The following IKBKG variants were observed in gnomAD, a reference collection of about 807,000 sequenced individuals.
IKBKG encodes the protein inhibitor of nuclear factor kappa B kinase regulatory subunit gamma.
A neutral mutation model predicts 13.7 loss-of-function variants in IKBKG; 2 were observed. That is an observed-to-expected ratio of 0.15 (90% CI 0.06 to 0.46). IKBKG has a LOEUF of 0.46. IKBKG is among the 20% of genes least tolerant of loss of function. The probability of loss-of-function intolerance (pLI) is 0.98; values close to 1 mark genes in which losing one functional copy is unlikely to be tolerated. For missense variants in IKBKG, 53 were observed against 150.3 expected, an observed-to-expected ratio of 0.35 and a Z score of 3.39; for synonymous variants, 22 against 64.4, an observed-to-expected ratio of 0.34 and a Z score of 3.15.
chrX:154,546,998 C>T (rs1363112282), upstream of IKBKG: 2 of 228,356 alleles, frequency 8.8e-6, no homozygotes, highest in Non-Finnish European at 1.5e-5. Context: ...GCGCGCGCAT[C>T]CCAGGCCAGC....
At chrX:154,553,274 G>A (rs373004162) in intron 2 of IKBKG, among the ~76,000 whole-genome samples, 2 of 112,520 alleles carry the variant, frequency 1.8e-5, no homozygotes, top group South Asian at 7.3e-4. Flanking sequence ...GGCATGTGCC[G>A]TGACTACTAG....
At chrX:154,546,702 CAACA>C (rs1339864139), upstream of IKBKG, 13 of 806,670 alleles carry the variant, frequency 1.6e-5, no homozygotes, top group Non-Finnish European at 1.9e-5. Flanking sequence ...TTCTCAAGCA[CAACA>C]AACAGCGTGT....
chrX:154,550,839 C>T (rs2070910284), intron 1 of IKBKG, among the ~76,000 whole-genome samples: 1 of 108,658 alleles, frequency 9.2e-6, no homozygotes, highest in African/African-American at 3.4e-5. Flanking sequence ...GAGATGGAGT[C>T]TCGCTCTGTT....
chrX:154,554,848 A>C (rs1257686841), intron 2 of IKBKG, among the ~76,000 whole-genome samples: 1 of 111,748 alleles, frequency 8.9e-6, no homozygotes, highest in Non-Finnish European at 1.9e-5. Flanking sequence ...AGCAGGCAAT[A>C]GTTAGTTGGT....
At chrX:154,547,136 T>G, upstream of IKBKG, 1 of 150,002 alleles carries the variant, frequency 6.7e-6, no homozygotes, top group Non-Finnish European at 1.2e-5. Context: ...CGCATCCCCA[T>G]CGCCGGCCCG....
intron 2 of IKBKG, among the ~76,000 whole-genome samples, chrX:154,553,658 G>A (rs1396835444): frequency 8.9e-6 from 1 of 112,824 alleles, no homozygotes; most frequent in Non-Finnish European, 1.9e-5. Context: ...GAATTCTCTT[G>A]TACGTTGTAG....
At chrX:154,542,571 A>G (rs782248853), upstream of IKBKG, 26 of 935,815 alleles carry the variant, frequency 2.8e-5, no homozygotes, top group Admixed American at 1.1e-3. Flanking sequence ...GTGTGTGGGC[A>G]AGTGTGAGGT....
At chrX:154,559,134 A>G (rs2071092011) in intron 4 of IKBKG, among the ~76,000 whole-genome samples, 1 of 111,154 alleles carries the variant, frequency 9.0e-6, no homozygotes, top group African/African-American at 3.5e-5. Context: ...CTAGAGACTC[A>G]GCGCCCTGGG....
chrX:154,549,580 A>G (rs1170709120), intron 1 of IKBKG, among the ~76,000 whole-genome samples: 1 of 111,612 alleles, frequency 9.0e-6, no homozygotes, highest in Non-Finnish European at 1.9e-5. Context: ...ATGCCTGGCC[A>G]CCACTATTAT....
upstream of IKBKG, among the ~76,000 whole-genome samples, chrX:154,543,964 T>C (rs1308242228): frequency 9.2e-6 from 1 of 108,784 alleles, no homozygotes; most frequent in Non-Finnish European, 1.9e-5. Flanking sequence ...GCCTCCCGAG[T>C]TCACGCCTTT....
chrX:154,549,285 T>A (rs1405975592), intron 1 of IKBKG, among the ~76,000 whole-genome samples: 1 of 108,691 alleles, frequency 9.2e-6, no homozygotes, highest in African/African-American at 3.4e-5. Context: ...CCGGCCTCTT[T>A]TTTTGAGACC....
upstream of IKBKG, among the ~76,000 whole-genome samples, chrX:154,543,585 G>A (rs1243302229): frequency 8.9e-6 from 1 of 112,311 alleles, no homozygotes; most frequent in African/African-American, 3.2e-5. Context: ...TGGGGATGGA[G>A]AAAGCAACCT....
At chrX:154,544,615 G>A (rs1235195718), upstream of IKBKG, among the ~76,000 whole-genome samples, 2 of 112,377 alleles carry the variant, frequency 1.8e-5, no homozygotes, top group African/African-American at 3.2e-5. Flanking sequence ...CTTCTGAGGG[G>A]ACCAGGCTGG....
At chrX:154,546,177 G>A (rs1557233234), upstream of IKBKG, 1 of 1,210,942 alleles carries the variant, frequency 8.3e-7, no homozygotes, top group Middle Eastern at 2.3e-4. Context: ...GTGGAAGAAA[G>A]GCTCGTTAAC....
intron 2 of IKBKG, among the ~76,000 whole-genome samples, chrX:154,555,742 G>A (rs1356774727): frequency 9.0e-6 from 1 of 111,083 alleles, no homozygotes; most frequent in African/African-American, 3.3e-5. Context: ...ACCACACCGG[G>A]CTAATTTTTG....
At chrX:154,547,281 C>A (rs1229965769), upstream of IKBKG, 9 of 728,026 alleles carry the variant, frequency 1.2e-5, no homozygotes, top group Non-Finnish European at 1.5e-5. Context: ...CCTTCTGCCG[C>A]GCCACTCCCC....
chrX:154,546,714 T>C (rs1299378666), upstream of IKBKG: 2 of 849,843 alleles, frequency 2.4e-6, no homozygotes, highest in East Asian at 7.3e-5. Flanking sequence ...ACAAACAGCG[T>C]GTATTTTACC....
chrX:154,542,314 C>T (rs1557232112), exon 2 of IKBKG: 12 of 1,180,137 alleles, frequency 1.0e-5, no homozygotes, highest in Non-Finnish European at 1.2e-5. Flanking sequence ...AAGTGAGGAC[C>T]CCGCAGACTA....
At chrX:154,545,983 G>A (rs1031369619), upstream of IKBKG, 49 of 1,199,020 alleles carry the variant, frequency 4.1e-5, no homozygotes, top group Middle Eastern at 6.9e-4. Flanking sequence ...AAAAGCTGAG[G>A]CATGGAGCAG....
Sources: gnomAD v4.1 joint callset for allele counts (sites outside exome capture counted in the v4.1 genomes callset) on GRCh38, gnomAD v4.1.1 for gene constraint, MANE v1.5 for transcripts, NCBI Gene and HGNC (gene_info 2026-07-23, HGNC 2026-07-21) for gene names.